Variants in RALA observed in about 807,000 individuals in gnomAD.
The protein encoded by RALA is RAS like proto-oncogene A, also known as ras-related protein Ral-A.
Under a neutral mutation model 24.0 loss-of-function variants are expected in RALA, and 5 were observed. The observed-to-expected ratio is 0.21, with a 90% confidence interval of 0.11 to 0.44. The LOEUF (loss-of-function observed/expected upper bound fraction) is 0.44. Among genes scored for constraint, RALA ranks in the 20% least tolerant of loss-of-function variants. The pLI, the probability that RALA is intolerant of heterozygous loss-of-function variation, is 0.99. For synonymous variants in RALA, 77 were observed against 83.8 expected (o/e 0.92, Z 0.44); for missense variants, 95 against 241.2 (o/e 0.39, Z 4.01).
intron 1 of RALA, among the ~76,000 whole-genome samples, chr7:39,638,358 C>T (rs1458550196): frequency 1.3e-5 from 2 of 152,204 alleles, no homozygotes; most frequent in Non-Finnish European, 2.9e-5. Context: ...GAAATGAAAT[C>T]ATACAATATG....
intron 1 of RALA, among the ~76,000 whole-genome samples, chr7:39,648,125 A>G (rs530036866): frequency 2.0e-5 from 3 of 152,208 alleles, no homozygotes; most frequent in African/African-American, 2.4e-5. Flanking sequence ...TTCTAAAGTC[A>G]TATACAAAAT....
chr7:39,627,726 C>CT (rs1791518476), intron 1 of RALA, among the ~76,000 whole-genome samples: 1 of 152,216 alleles, frequency 6.6e-6, no homozygotes, highest in South Asian at 2.1e-4. Context: ...TGACCAAACA[C>CT]TGAGTTCAGC....
intron 3 of RALA, among the ~76,000 whole-genome samples, chr7:39,691,846 G>C (rs1439996893): frequency 6.6e-6 from 1 of 152,172 alleles, no homozygotes; most frequent in Admixed American, 6.5e-5. Context: ...AAATGCCAAT[G>C]CTTATTCATT....
At chr7:39,632,165 T>C (rs1791607876) in intron 1 of RALA, among the ~76,000 whole-genome samples, 1 of 152,224 alleles carries the variant, frequency 6.6e-6, no homozygotes, top group Admixed American at 6.5e-5. Context: ...CCTCCAACCT[T>C]GGGAATTACA....
At chr7:39,672,895 C>T (rs1404556444) in intron 1 of RALA, among the ~76,000 whole-genome samples, 3 of 152,186 alleles carry the variant, frequency 2.0e-5, no homozygotes, top group Non-Finnish European at 4.4e-5. Flanking sequence ...ATGGTAGTTA[C>T]ATGACTGTAT....
intron 1 of RALA, chr7:39,624,419 C>T (rs1247130630): frequency 6.6e-6 from 1 of 152,028 alleles, no homozygotes; most frequent in Non-Finnish European, 1.5e-5. Context: ...AGCTTTAGCC[C>T]ATTTTCAGGT....
At chr7:39,634,226 C>A (rs1322707747) in intron 1 of RALA, among the ~76,000 whole-genome samples, 1 of 152,064 alleles carries the variant, frequency 6.6e-6, no homozygotes, top group East Asian at 1.9e-4. Flanking sequence ...TTGAGGAGCC[C>A]TCACTCACCT....
chr7:39,687,789 A>G (rs1583750545), intron 2 of RALA, among the ~76,000 whole-genome samples: 1 of 152,176 alleles, frequency 6.6e-6, no homozygotes, highest in East Asian at 1.9e-4. Flanking sequence ...TGATATCCCC[A>G]TTTTACAGAT....
chr7:39,652,841 C>T (rs1217163662), intron 1 of RALA, among the ~76,000 whole-genome samples: 1 of 151,836 alleles, frequency 6.6e-6, no homozygotes, highest in Non-Finnish European at 1.5e-5. Flanking sequence ...TCTTGACTCA[C>T]TGCCACGTCT....
chr7:39,672,631 T>A (rs1792409293), intron 1 of RALA, among the ~76,000 whole-genome samples: 1 of 135,712 alleles, frequency 7.4e-6, no homozygotes, highest in African/African-American at 2.9e-5. Flanking sequence ...ATCCAGACAA[T>A]GGAATACTAT....
chr7:39,671,214 C>T (rs1207983559), intron 1 of RALA, among the ~76,000 whole-genome samples: 1 of 152,070 alleles, frequency 6.6e-6, no homozygotes, highest in Non-Finnish European at 1.5e-5. Flanking sequence ...TTCTCCATTG[C>T]TCTAAGGATA....
At chr7:39,671,081 A>G (rs1024439011) in intron 1 of RALA, among the ~76,000 whole-genome samples, 1 of 151,558 alleles carries the variant, frequency 6.6e-6, no homozygotes, top group Non-Finnish European at 1.5e-5. Context: ...TTTTTTCTTA[A>G]TATCTTTTAG....
chr7:39,634,174 G>A (rs1791647024), intron 1 of RALA, among the ~76,000 whole-genome samples: 1 of 152,082 alleles, frequency 6.6e-6, no homozygotes, highest in African/African-American at 2.4e-5. Flanking sequence ...TCCCAGGAGT[G>A]CTGGTAGGTA....
intron 2 of RALA, among the ~76,000 whole-genome samples, chr7:39,688,007 G>A (rs1347971676): frequency 1.3e-5 from 2 of 151,828 alleles, no homozygotes; most frequent in South Asian, 2.1e-4. Context: ...CCCACCTTGG[G>A]CTCCCAAAGC....
Position 39,706,173 on chromosome 7 carries a change from C to A in RALA, c.549C>A (p.Ser183Arg). Residue 183 changes from serine (S) to arginine (R), a missense_variant, in exon 5 of 5, where the codon AGC becomes AGA. Ser to Arg is a moderately radical substitution (Grantham distance 110). Coordinates refer to ENST00000005257, the MANE Select transcript of RALA (RefSeq NM_005402.4). ...REIRARKMED[S>R]KEKNGKKKRK... is the part of the protein sequence containing the mutation. ...TTCGAGCGAGAAAGATGGAAGACAG[C>A]AAAGAAAAGAATGGAAAAAAGAAGA... is the stretch of plus-strand genomic sequence containing the variant. 6.2e-7 allele frequency: 1 copy of A among 1,607,324 alleles called. No homozygotes were observed. Among genetic ancestry groups the A allele is most frequent in the East Asian group, 2.2e-5 (1 of 44,544 alleles).
At chr7:39,672,037 T>A (rs1428739784) in intron 1 of RALA, among the ~76,000 whole-genome samples, 1 of 152,120 alleles carries the variant, frequency 6.6e-6, no homozygotes, top group East Asian at 1.9e-4. Flanking sequence ...ATTCAAAACA[T>A]AGTAGTTAAT....
Position 39,625,523 on chromosome 7 carries a change from C to T in RALA, c.-38+1698C>T, listed in dbSNP as rs1024325428. 5.9e-5 allele frequency among the ~76,000 whole-genome samples: 9 copies of T among 152,310 alleles called. No homozygotes were observed. In the East Asian group the frequency reaches 1.5e-3, roughly 26 times the overall value. On this transcript the variant is annotated intron_variant, in intron 1 of 4. Coordinates refer to ENST00000005257, the MANE Select transcript of RALA (RefSeq NM_005402.4). Reference sequence around the variant, plus strand: ...AATGCTTATAGTGGTTCATTCTTCCCATGAATACACGCAATCCTCTGAAAT... The same window carrying T: ...AATGCTTATAGTGGTTCATTCTTCCTATGAATACACGCAATCCTCTGAAAT...
At chr7:39,643,842 A>G (rs1791881149) in intron 1 of RALA, among the ~76,000 whole-genome samples, 1 of 152,114 alleles carries the variant, frequency 6.6e-6, no homozygotes, top group Non-Finnish European at 1.5e-5. Flanking sequence ...CTGGGTGACA[A>G]AGTTGAGACT....
At chr7:39,639,201 C>A (rs1249318350) in intron 1 of RALA, among the ~76,000 whole-genome samples, 1 of 152,150 alleles carries the variant, frequency 6.6e-6, no homozygotes, top group Non-Finnish European at 1.5e-5. Context: ...TAAATCAAGA[C>A]CCAAAACACT....
Sources: gnomAD v4.1 joint callset for allele counts (sites outside exome capture counted in the v4.1 genomes callset) on GRCh38, gnomAD v4.1.1 for gene constraint, MANE v1.5 for transcripts, NCBI Gene and HGNC (gene_info 2026-07-23, HGNC 2026-07-21) for gene names.